FRMPD4: variants seen among roughly 807,000 people sequenced by gnomAD.
FRMPD4 encodes FERM and PDZ domain containing 4.
A neutral mutation model predicts 94.1 loss-of-function variants in FRMPD4; 22 were observed. The observed-to-expected ratio is 0.23, with a 90% confidence interval of 0.17 to 0.33. The LOEUF (loss-of-function observed/expected upper bound fraction) is 0.33, where lower values mean the gene tolerates loss of function less well. FRMPD4 is among the 10% of genes least tolerant of loss of function. FRMPD4 has a pLI of 1.00. For missense variants in FRMPD4, 1,111 were observed against 1,339.9 expected, an observed-to-expected ratio of 0.83 and a Z score of 2.67; for synonymous variants, 631 against 548.6, an observed-to-expected ratio of 1.15 and a Z score of -2.10.
chrX:12,703,594 T>C (rs928678386), intron 10 of FRMPD4, among the ~76,000 whole-genome samples: 2 of 112,220 alleles, frequency 1.8e-5, no homozygotes, highest in African/African-American at 6.5e-5. Context: ...GTAGGATTTC[T>C]ACTCCAGGAT....
At chrX:12,096,170 G>C (rs2055199403) in intron 3 of FRMPD4, among the ~76,000 whole-genome samples, 1 of 112,220 alleles carries the variant, frequency 8.9e-6, no homozygotes, top group African/African-American at 3.2e-5. Context: ...ATCGGAAACA[G>C]GTATAATATT....
intron 3 of FRMPD4, among the ~76,000 whole-genome samples, chrX:12,091,854 C>T (rs1250286086): frequency 9.0e-6 from 1 of 111,224 alleles, no homozygotes. Context: ...GAATTAGATT[C>T]ATTTTCCAAC....
chrX:12,595,389 C>T (rs1423956410), intron 2 of FRMPD4, among the ~76,000 whole-genome samples: 2 of 111,439 alleles, frequency 1.8e-5, no homozygotes, highest in Admixed American at 1.9e-4. Context: ...ACTATTATGA[C>T]AAGTTAATTA....
At chrX:12,160,699 G>A (rs2056010881) in intron 1 of FRMPD4, among the ~76,000 whole-genome samples, 1 of 111,519 alleles carries the variant, frequency 9.0e-6, no homozygotes, top group South Asian at 3.8e-4. Context: ...TCAGAGGAAG[G>A]CAGAAGGGTA....
chrX:12,241,499 A>G (rs2057129104), intron 1 of FRMPD4, among the ~76,000 whole-genome samples: 1 of 112,370 alleles, frequency 8.9e-6, no homozygotes, highest in African/African-American at 3.2e-5. Context: ...TTATCTCTCT[A>G]TTGCCATCAA....
intron 1 of FRMPD4, among the ~76,000 whole-genome samples, chrX:12,486,476 C>T (rs1020308301): frequency 1.8e-5 from 2 of 112,519 alleles, no homozygotes; most frequent in Non-Finnish European, 3.8e-5. Flanking sequence ...GCTAAAATCT[C>T]CTTCCTGGAA....
At position 11,907,491 on chromosome X, in the gene FRMPD4, A is replaced by G. The variant is rs191469426; in HGVS notation, c.95+29473A>G. ...CATAGTTCTGGAGTCTGGAAGTCCA[A>G]TGTGAGGTTGCAAGCATGGTTGGGT... On this transcript the variant is annotated intron_variant, in intron 3 of 18. Coordinates refer to the FRMPD4 transcript ENST00000640291. 4.3e-3 allele frequency among the ~76,000 whole-genome samples: 482 copies of G among 112,233 alleles called. 5 individuals carry two copies. Among genetic ancestry groups the G allele is most frequent in the African/African-American group, 0.015 (462 of 30,925 alleles).
intron 3 of FRMPD4, among the ~76,000 whole-genome samples, chrX:12,131,193 G>T (rs2055550062): frequency 8.9e-6 from 1 of 112,141 alleles, no homozygotes; most frequent in African/African-American, 3.2e-5. Flanking sequence ...AGCAAACGTG[G>T]TTCTTAACCT....
chrX:12,118,301 A>G (rs1417823605), intron 3 of FRMPD4, among the ~76,000 whole-genome samples: 1 of 112,164 alleles, frequency 8.9e-6, no homozygotes, highest in Non-Finnish European at 1.9e-5. Flanking sequence ...TCTGTTAAGT[A>G]TGCACTTAAG....
chrX:12,230,887 C>CTA (rs1331624734), intron 1 of FRMPD4, among the ~76,000 whole-genome samples: 1 of 84,796 alleles, frequency 1.2e-5, no homozygotes, highest in Non-Finnish European at 2.2e-5. Flanking sequence ...ATAATATATA[C>CTA]TATATATATA....
chrX:12,098,953 G>C (rs1420054927), intron 3 of FRMPD4, among the ~76,000 whole-genome samples: 2 of 107,192 alleles, frequency 1.9e-5, no homozygotes, highest in Non-Finnish European at 3.9e-5. Context: ...AGAGGTGAAA[G>C]CTGGGCTGTA....
At chrX:12,604,062 A>C (rs1029793294) in intron 2 of FRMPD4, among the ~76,000 whole-genome samples, 9 of 110,320 alleles carry the variant, frequency 8.2e-5, no homozygotes, top group African/African-American at 3.0e-4. Flanking sequence ...TGACAACACT[A>C]GACCAAGCAG....
intron 3 of FRMPD4, among the ~76,000 whole-genome samples, chrX:12,077,097 T>C (rs1240236554): frequency 1.8e-5 from 2 of 112,119 alleles, no homozygotes; most frequent in Non-Finnish European, 3.8e-5. Flanking sequence ...ACAGGGCTTA[T>C]GTTTCTTTAT....
intron 1 of FRMPD4, among the ~76,000 whole-genome samples, chrX:12,225,690 A>C (rs1326255088): frequency 1.8e-5 from 2 of 112,232 alleles, no homozygotes; most frequent in African/African-American, 6.5e-5. Context: ...CAGAGCTAGC[A>C]ACATTGTAAT....
At chrX:11,993,325 T>C (rs2147399042) in intron 3 of FRMPD4, among the ~76,000 whole-genome samples, 1 of 111,208 alleles carries the variant, frequency 9.0e-6, no homozygotes, top group Admixed American at 9.5e-5. Flanking sequence ...CCTGAGTTTT[T>C]CAGCCTTAGC....
intron 1 of FRMPD4, among the ~76,000 whole-genome samples, chrX:11,848,469 G>A (rs1219945385): frequency 9.1e-6 from 1 of 110,277 alleles, no homozygotes; most frequent in Admixed American, 9.7e-5. Context: ...TTGTGGGCTA[G>A]GGAATATATT....
At chrX:12,571,575 A>G (rs1182207573) in intron 2 of FRMPD4, among the ~76,000 whole-genome samples, 3 of 112,320 alleles carry the variant, frequency 2.7e-5, no homozygotes, top group South Asian at 7.3e-4. Flanking sequence ...TTTTAATTCT[A>G]CTCTGTAATT....
intron 3 of FRMPD4, among the ~76,000 whole-genome samples, chrX:12,053,466 A>C (rs2054836704): frequency 1.8e-5 from 2 of 108,601 alleles, no homozygotes; most frequent in Non-Finnish European, 3.8e-5. Context: ...AGGAAAGGAA[A>C]GGAAAGGAGG....
chrX:12,341,887 G>T (rs1228623133), intron 1 of FRMPD4, among the ~76,000 whole-genome samples: 4 of 111,995 alleles, frequency 3.6e-5, no homozygotes, highest in African/African-American at 1.3e-4. Flanking sequence ...TAGTTAATCA[G>T]AACTAGAAGC....
Sources: gnomAD v4.1 joint callset for allele counts (sites outside exome capture counted in the v4.1 genomes callset) on GRCh38, gnomAD v4.1.1 for gene constraint, MANE v1.5 for transcripts, NCBI Gene and HGNC (gene_info 2026-07-23, HGNC 2026-07-21) for gene names.